MYO3B: variants seen among roughly 807,000 people sequenced by gnomAD.
The protein encoded by MYO3B is myosin-IIIb.
Under a neutral mutation model 174.6 loss-of-function variants are expected in MYO3B, and 156 were observed. The observed-to-expected ratio is 0.89, with a 90% CI of 0.78 to 1.02. The LOEUF is 1.02. Among genes scored for constraint, MYO3B ranks in the 50% least tolerant of loss-of-function variants. MYO3B has a pLI of 0.00. For missense variants in MYO3B, 1,632 were observed against 1,639.4 expected, an observed-to-expected ratio of 1.00 and a Z score of 0.08; for synonymous variants, 563 against 569.1, an observed-to-expected ratio of 0.99 and a Z score of 0.15.
chr2:170,653,104 T>C lies in MYO3B; in HGVS notation c.4009T>C (p.Ser1337Pro). The C allele has an allele frequency of 1.2e-6, 2 of 1,614,138 alleles. No homozygotes were observed. Among genetic ancestry groups the C allele is most frequent in the Non-Finnish European group, 1.7e-6 (2 of 1,180,024 alleles). The change falls in exon 35 of 35, where the codon TCT becomes CCT. Residue 1337 changes from serine (S) to proline (P), a missense_variant. Coordinates refer to ENST00000408978, the MANE Select transcript of MYO3B (RefSeq NM_138995.5). Reference protein sequence around the residue: ...SFFSSSSKGDSFAQH With the variant: ...SFFSSSSKGDPFAQH ...TTTTTCTTCATCCTCAAAAGGAGACTCTTTTGCTCAACATTAAATTGTGCT... is the reference window on the plus strand; with the variant it reads ...TTTTTCTTCATCCTCAAAAGGAGACCCTTTTGCTCAACATTAAATTGTGCT...
At chr2:170,361,390 G>T (rs1231941087) in intron 8 of MYO3B, among the ~76,000 whole-genome samples, 1 of 152,148 alleles carries the variant, frequency 6.6e-6, no homozygotes, top group Non-Finnish European at 1.5e-5. Context: ...CTCAACCAAA[G>T]AAAAAAGAAA....
At chr2:170,207,906 T>C (rs2092731011) in intron 3 of MYO3B, among the ~76,000 whole-genome samples, 1 of 152,096 alleles carries the variant, frequency 6.6e-6, no homozygotes, top group Admixed American at 6.5e-5. Flanking sequence ...CCAGTGACTG[T>C]GACAGGGTAC....
intron 25 of MYO3B, among the ~76,000 whole-genome samples, chr2:170,482,158 T>TC (rs1685731177): frequency 7.2e-6 from 1 of 139,548 alleles, no homozygotes; most frequent in Non-Finnish European, 1.6e-5. Flanking sequence ...AAGTTCTCTC[T>TC]CTTTTTTTTT....
chr2:170,385,103 GC>G (rs2094364298), intron 12 of MYO3B, among the ~76,000 whole-genome samples: 1 of 152,104 alleles, frequency 6.6e-6, no homozygotes. Flanking sequence ...GACACATGGG[GC>G]AGGGTGTATG....
intron 8 of MYO3B, among the ~76,000 whole-genome samples, chr2:170,367,786 A>G (rs965898763): frequency 6.6e-6 from 1 of 152,166 alleles, no homozygotes; most frequent in Non-Finnish European, 1.5e-5. Flanking sequence ...CTGATTTTTT[A>G]TTTTTCACAG....
intron 32 of MYO3B, among the ~76,000 whole-genome samples, chr2:170,587,941 G>T (rs751118096): frequency 4.6e-5 from 7 of 152,170 alleles, no homozygotes; most frequent in Non-Finnish European, 1.0e-4. Context: ...TTTCAGTATG[G>T]ATGAAACCTC....
intron 8 of MYO3B, chr2:170,348,423 A>T (rs891329594): frequency 4.6e-5 from 7 of 152,020 alleles, no homozygotes; most frequent in African/African-American, 1.7e-4. Flanking sequence ...TTTTTAGTAG[A>T]GATGAGATTT....
chr2:170,194,335 CT>C (rs1293964234), intron 1 of MYO3B, among the ~76,000 whole-genome samples: 2 of 151,936 alleles, frequency 1.3e-5, no homozygotes, highest in Admixed American at 6.6e-5. Flanking sequence ...AAGATCCTGT[CT>C]TTACAAAAAA....
intron 9 of MYO3B, among the ~76,000 whole-genome samples, chr2:170,371,998 A>C (rs945799231): frequency 5.9e-5 from 9 of 151,498 alleles, no homozygotes; most frequent in African/African-American, 2.2e-4. Flanking sequence ...ATGGTGGCAC[A>C]TGCCTGTAGT....
intron 7 of MYO3B, among the ~76,000 whole-genome samples, chr2:170,239,046 G>T (rs142536045): frequency 6.6e-6 from 1 of 152,136 alleles, no homozygotes; most frequent in East Asian, 1.9e-4. Flanking sequence ...GTGTCATCTC[G>T]TCTAACGCCT....
chr2:170,394,743 C>T (rs2094434503), intron 16 of MYO3B, among the ~76,000 whole-genome samples: 2 of 152,186 alleles, frequency 1.3e-5, no homozygotes, highest in African/African-American at 4.8e-5. Context: ...CTTCTCTCTC[C>T]AACTCTGAAT....
At chr2:170,437,822 G>T (rs867718721) in intron 22 of MYO3B, among the ~76,000 whole-genome samples, 1 of 151,970 alleles carries the variant, frequency 6.6e-6, no homozygotes, top group Admixed American at 6.6e-5. Flanking sequence ...TCACAATGGC[G>T]CGCTCTATCG....
At chr2:170,552,838 G>A (rs867308821) in intron 32 of MYO3B, among the ~76,000 whole-genome samples, 2 of 152,140 alleles carry the variant, frequency 1.3e-5, no homozygotes, top group Admixed American at 1.3e-4. Flanking sequence ...TTCCTGGGCT[G>A]GGCCCAGGGT....
intron 14 of MYO3B, among the ~76,000 whole-genome samples, chr2:170,389,650 C>T (rs1209805306): frequency 6.6e-6 from 1 of 152,062 alleles, no homozygotes; most frequent in Non-Finnish European, 1.5e-5. Context: ...CTAAGATGGG[C>T]CAGCCAAAGC....
At chr2:170,534,660 G>A (rs1162436681) in intron 30 of MYO3B, among the ~76,000 whole-genome samples, 1 of 152,158 alleles carries the variant, frequency 6.6e-6, no homozygotes, top group African/African-American at 2.4e-5. Context: ...GGCTGGTCTT[G>A]AACTTTTGAG....
chr2:170,313,482 C>A (rs185649563), intron 7 of MYO3B, among the ~76,000 whole-genome samples: 2 of 152,146 alleles, frequency 1.3e-5, no homozygotes, highest in African/African-American at 4.8e-5. Context: ...TCAGGGCCAG[C>A]CTTGGTCTAT....
Position 170,199,359 on chromosome 2 carries a change from C to A in MYO3B, c.154C>A (p.Leu52Met). Residue 52 changes from leucine to methionine, a missense_variant, in exon 2 of 35, where the codon CTG becomes ATG. Leu to Met is a conservative substitution (Grantham distance 15). Transcript: ENST00000408978. Reference protein sequence around the residue: ...YKVTNKRDGSLAAVKILDPVS... With the variant: ...YKVTNKRDGSMAAVKILDPVS... ...GGTAACTAACAAGAGAGATGGGAGC[C>A]TGGCTGCAGTGAAAATTCTGGATCC... 2 of 1,611,204 alleles carry A rather than the reference C, an allele frequency of 1.2e-6. No individual in the cohort carries two copies. Among genetic ancestry groups the A allele is most frequent in the South Asian group, 2.2e-5 (2 of 90,692 alleles).
At chr2:170,302,496 T>A (rs2105447174) in intron 7 of MYO3B, among the ~76,000 whole-genome samples, 1 of 152,340 alleles carries the variant, frequency 6.6e-6, no homozygotes, top group South Asian at 2.1e-4. Flanking sequence ...AGCATGAGAT[T>A]TTGAAGGAAC....
At position 170,459,107 on chromosome 2, in the gene MYO3B, C is replaced by A. The variant is rs556886020; in HGVS notation, c.2731-4261C>A. On this transcript the variant is annotated intron_variant, in intron 23 of 34. Coordinates refer to ENST00000408978, the MANE Select transcript of MYO3B (RefSeq NM_138995.5). Reference sequence around the variant, plus strand: ...CAGTGAGTGTTACAGCTCATAAAGGCAGAGTGGACCCAAAGAGTGAGCAGC... The same window carrying A: ...CAGTGAGTGTTACAGCTCATAAAGGAAGAGTGGACCCAAAGAGTGAGCAGC... Among the ~76,000 whole-genome samples, 650 of 152,262 alleles carry A rather than the reference C, an allele frequency of 4.3e-3. 4 individuals are homozygous for A. Among genetic ancestry groups the A allele is most frequent in the African/African-American group, 0.015 (635 of 41,542 alleles).
Sources: gnomAD v4.1 joint callset for allele counts (sites outside exome capture counted in the v4.1 genomes callset) on GRCh38, gnomAD v4.1.1 for gene constraint, MANE v1.5 for transcripts, NCBI Gene and HGNC (gene_info 2026-07-23, HGNC 2026-07-21) for gene names.